CPQ: variants seen among roughly 807,000 people sequenced by gnomAD.
The protein encoded by CPQ is Ser-Met dipeptidase.
CPQ carries 37 observed loss-of-function variants against 45.7 expected under a neutral mutation model. The observed-to-expected ratio is 0.81, with a 90% confidence interval of 0.62 to 1.07. The LOEUF (loss-of-function observed/expected upper bound fraction) is 1.07, where lower values mean the gene tolerates loss of function less well. Ranked by LOEUF, CPQ falls within the 50% of genes least tolerant of loss-of-function variation. CPQ has a pLI of 0.00. For missense variants in CPQ, 537 were observed against 572.9 expected, an observed-to-expected ratio of 0.94 and a Z score of 0.64; for synonymous variants, 186 against 205.8, an observed-to-expected ratio of 0.90 and a Z score of 0.82.
intron 4 of CPQ, among the ~76,000 whole-genome samples, chr8:96,942,851 C>T (rs185419830): frequency 6.6e-6 from 1 of 152,256 alleles, no homozygotes; most frequent in East Asian, 1.9e-4. Flanking sequence ...TGGAAAAATT[C>T]AGTTTAGTGC....
At chr8:96,868,463 T>C (rs1239088873) in intron 3 of CPQ, among the ~76,000 whole-genome samples, 1 of 152,056 alleles carries the variant, frequency 6.6e-6, no homozygotes, top group African/African-American at 2.4e-5. Context: ...TTTCTTTAGT[T>C]GACTTCAGGC....
At chr8:96,768,313 A>G (rs1810495532) in intron 1 of CPQ, among the ~76,000 whole-genome samples, 3 of 146,642 alleles carry the variant, frequency 2.0e-5, no homozygotes, top group African/African-American at 7.6e-5. Context: ...GCAACCTTTG[A>G]TTAATGCCTG....
At chr8:96,718,713 G>C (rs1030965448) in intron 1 of CPQ, among the ~76,000 whole-genome samples, 2 of 152,118 alleles carry the variant, frequency 1.3e-5, no homozygotes, top group Non-Finnish European at 2.9e-5. Flanking sequence ...AGAGCCGAGT[G>C]GTCTGTTTTG....
At chr8:96,859,912 A>C (rs1811904770) in intron 3 of CPQ, among the ~76,000 whole-genome samples, 1 of 152,182 alleles carries the variant, frequency 6.6e-6, no homozygotes, top group South Asian at 2.1e-4. Context: ...AATATCTGGA[A>C]TTTCTGGATT....
intron 4 of CPQ, among the ~76,000 whole-genome samples, chr8:96,893,417 G>A (rs1812402784): frequency 6.6e-6 from 1 of 152,210 alleles, no homozygotes; most frequent in Admixed American, 6.6e-5. Flanking sequence ...GAGGAAAATA[G>A]GCAGTAAGTT....
At chr8:96,801,636 C>G (rs1811008429) in intron 2 of CPQ, among the ~76,000 whole-genome samples, 1 of 152,104 alleles carries the variant, frequency 6.6e-6, no homozygotes. Context: ...TCCCAGTGTT[C>G]AATTTTATGA....
chr8:96,792,519 G>A (rs1810861699), intron 2 of CPQ, among the ~76,000 whole-genome samples: 1 of 152,068 alleles, frequency 6.6e-6, no homozygotes. Flanking sequence ...AGGATTGTAT[G>A]TTTTTATTAT....
chr8:97,139,921 C>G (rs2130632671), intron 7 of CPQ, among the ~76,000 whole-genome samples: 1 of 151,646 alleles, frequency 6.6e-6, no homozygotes, highest in South Asian at 2.1e-4. Context: ...AGAACAACTA[C>G]TAAATAATAG....
chr8:97,141,009 T>C (rs1812150697), intron 7 of CPQ, among the ~76,000 whole-genome samples: 1 of 152,088 alleles, frequency 6.6e-6, no homozygotes, highest in South Asian at 2.1e-4. Context: ...AATAGAATCC[T>C]ACCTCACACC....
rs147900019 is a variant in CPQ at position 96,908,777 on chromosome 8, A to ACACACCCC, written c.849+28773_849+28774insACACCCCC. On this transcript the variant is annotated intron_variant, in intron 4 of 7. Coordinates refer to ENST00000220763, the MANE Select transcript of CPQ (RefSeq NM_016134.4). ...CACACACACACACACACACACACACACCATATATTCTGGGGAAGAGGTGTT... is the reference window on the plus strand; with the variant it reads ...CACACACACACACACACACACACACACACACCCCCCATATATTCTGGGGAAGAGGTGTT... Among the ~76,000 whole-genome samples the ACACACCCC allele has an allele frequency of 3.5e-3, 524 of 150,274 alleles. 4 individuals carry two copies. Among genetic ancestry groups the ACACACCCC allele is most frequent in the African/African-American group, 0.012 (489 of 40,628 alleles).
intron 7 of CPQ, among the ~76,000 whole-genome samples, chr8:97,133,580 C>T (rs554918302): frequency 1.3e-5 from 2 of 152,192 alleles, no homozygotes; most frequent in East Asian, 3.9e-4. Flanking sequence ...GATGTTACAC[C>T]ATTTTAAAGA....
chr8:96,974,480 A>T (rs954905804), intron 5 of CPQ, among the ~76,000 whole-genome samples: 1 of 152,164 alleles, frequency 6.6e-6, no homozygotes, highest in East Asian at 1.9e-4. Context: ...GAAAGTCAAC[A>T]AAGAAAAACT....
intron 1 of CPQ, among the ~76,000 whole-genome samples, chr8:96,682,471 G>A (rs1433569963): frequency 6.6e-6 from 1 of 152,206 alleles, no homozygotes; most frequent in Non-Finnish European, 1.5e-5. Flanking sequence ...GGAACTGTAA[G>A]GCCATTAAGC....
intron 6 of CPQ, among the ~76,000 whole-genome samples, chr8:97,046,117 C>T (rs1435761742): frequency 6.6e-6 from 1 of 152,154 alleles, no homozygotes; most frequent in Non-Finnish European, 1.5e-5. Flanking sequence ...CTTAAAGATA[C>T]CATGTGTGCC....
chr8:96,811,141 TAAGAATC>T (rs1811156539), intron 2 of CPQ, among the ~76,000 whole-genome samples: 1 of 152,192 alleles, frequency 6.6e-6, no homozygotes, highest in Non-Finnish European at 1.5e-5. Context: ...TGGAACTTCA[TAAGAATC>T]AAGAATTTCA....
intron 3 of CPQ, among the ~76,000 whole-genome samples, chr8:96,835,934 G>A (rs1811523632): frequency 1.3e-5 from 2 of 152,058 alleles, no homozygotes; most frequent in Admixed American, 6.6e-5. Flanking sequence ...TTGGCCCTCA[G>A]TCCTAGGATG....
At chr8:96,930,909 G>C (rs1327727383) in intron 4 of CPQ, among the ~76,000 whole-genome samples, 1 of 152,194 alleles carries the variant, frequency 6.6e-6, no homozygotes, top group East Asian at 1.9e-4. Context: ...ACATCAGTGT[G>C]CTAAATCTTA....
intron 7 of CPQ, among the ~76,000 whole-genome samples, chr8:97,078,679 T>A (rs1810891167): frequency 6.6e-6 from 1 of 152,092 alleles, no homozygotes; most frequent in South Asian, 2.1e-4. Flanking sequence ...TTCTTTTTGT[T>A]TTTAGTATGT....
chr8:96,963,163 T>A (rs1813489818), intron 4 of CPQ, among the ~76,000 whole-genome samples: 1 of 152,234 alleles, frequency 6.6e-6, no homozygotes, highest in South Asian at 2.1e-4. Flanking sequence ...AATAGCTTCC[T>A]TGACTTAGTT....
Sources: gnomAD v4.1 joint callset for allele counts (sites outside exome capture counted in the v4.1 genomes callset) on GRCh38, gnomAD v4.1.1 for gene constraint, MANE v1.5 for transcripts, NCBI Gene and HGNC (gene_info 2026-07-23, HGNC 2026-07-21) for gene names.